KCNN2: variants seen among roughly 807,000 people sequenced by gnomAD.
The protein encoded by KCNN2 is potassium calcium-activated channel subfamily N member 2.
In KCNN2, 24 loss-of-function variants were observed where a neutral mutation model predicts 55.5. The observed-to-expected ratio is 0.43, with a 90% confidence interval of 0.31 to 0.61. The LOEUF (loss-of-function observed/expected upper bound fraction) is 0.61. KCNN2 is among the 20% of genes least tolerant of loss of function. The probability of loss-of-function intolerance (pLI) is 0.08; values close to 1 mark genes in which losing one functional copy is unlikely to be tolerated. For missense variants in KCNN2, 754 were observed against 853.6 expected, an observed-to-expected ratio of 0.88 and a Z score of 1.45; for synonymous variants, 431 against 336.1, an observed-to-expected ratio of 1.28 and a Z score of -3.09.
intron 1 of KCNN2, among the ~76,000 whole-genome samples, chr5:114,201,702 G>A (rs77291751): frequency 0.11 from 16,707 of 152,002 alleles, 1,167 homozygotes; most frequent in South Asian, 0.23. Context: ...AGAGAAGGCG[G>A]GGTCCCTCTC....
chr5:114,378,229 A>G (rs1162379869), intron 2 of KCNN2, among the ~76,000 whole-genome samples: 1 of 152,214 alleles, frequency 6.6e-6, no homozygotes, highest in African/African-American at 2.4e-5. Context: ...GGTATTGTAT[A>G]TTGCCGCTTT....
intron 1 of KCNN2, among the ~76,000 whole-genome samples, chr5:114,107,625 A>G (rs1011426895): frequency 2.6e-5 from 4 of 151,798 alleles, no homozygotes; most frequent in Admixed American, 6.6e-5. Context: ...TGAAATCCTG[A>G]GCTGAAGTGA....
chr5:114,451,517 A>C (rs1288916614), intron 3 of KCNN2, among the ~76,000 whole-genome samples: 5 of 152,180 alleles, frequency 3.3e-5, no homozygotes, highest in Admixed American at 2.0e-4. Context: ...AGACATTCCA[A>C]ATGTGCAAAA....
intron 2 of KCNN2, among the ~76,000 whole-genome samples, chr5:114,295,797 A>G: frequency 6.6e-6 from 1 of 152,168 alleles, no homozygotes; most frequent in Non-Finnish European, 1.5e-5. Context: ...TGTGTCGCTC[A>G]CACTGGGAGC....
intron 1 of KCNN2, among the ~76,000 whole-genome samples, chr5:114,182,317 G>A (rs945520769): frequency 2.6e-5 from 4 of 151,890 alleles, no homozygotes; most frequent in Non-Finnish European, 4.4e-5. Flanking sequence ...TGAAAATTAG[G>A]TAGTGTAAGT....
intron 1 of KCNN2, among the ~76,000 whole-genome samples, chr5:114,175,394 A>G (rs760091458): frequency 5.3e-5 from 8 of 152,198 alleles, no homozygotes; most frequent in Admixed American, 2.0e-4. Flanking sequence ...CCTTTAAAAT[A>G]ATGTACTCAT....
intron 2 of KCNN2, among the ~76,000 whole-genome samples, chr5:114,378,328 A>G (rs762181554): frequency 2.0e-5 from 3 of 152,196 alleles, no homozygotes; most frequent in African/African-American, 7.2e-5. Context: ...CTTTACAGAA[A>G]AAGTTTGCCA....
At chr5:114,077,076 A>T (rs1750698854) in intron 1 of KCNN2, among the ~76,000 whole-genome samples, 1 of 152,238 alleles carries the variant, frequency 6.6e-6, no homozygotes, top group Non-Finnish European at 1.5e-5. Context: ...TAATGGTAAA[A>T]AGGTGCCCAT....
chr5:114,463,770 T>G (rs1445973279), intron 4 of KCNN2, among the ~76,000 whole-genome samples: 1 of 152,162 alleles, frequency 6.6e-6, no homozygotes, highest in African/African-American at 2.4e-5. Context: ...TGTGAACTAG[T>G]AAAGCTTCTG....
At chr5:114,228,674 C>G (rs1204565189) in intron 2 of KCNN2, among the ~76,000 whole-genome samples, 2 of 151,922 alleles carry the variant, frequency 1.3e-5, no homozygotes, top group African/African-American at 2.4e-5. Context: ...TCACTCAGCC[C>G]CTTACTTGGA....
chr5:114,459,845 A>G (rs1210314111), intron 3 of KCNN2, among the ~76,000 whole-genome samples: 1 of 152,230 alleles, frequency 6.6e-6, no homozygotes, highest in African/African-American at 2.4e-5. Context: ...TGCGAACAGC[A>G]TATAGTAAAT....
intron 3 of KCNN2, among the ~76,000 whole-genome samples, chr5:114,426,867 C>G (rs1187332013): frequency 6.6e-6 from 1 of 152,202 alleles, no homozygotes; most frequent in Non-Finnish European, 1.5e-5. Context: ...TCATTTCCCT[C>G]AGCTTTTAGT....
At chr5:114,196,937 A>G (rs1753568708) in intron 1 of KCNN2, among the ~76,000 whole-genome samples, 1 of 151,944 alleles carries the variant, frequency 6.6e-6, no homozygotes, top group South Asian at 2.1e-4. Flanking sequence ...AGGTGAGGTT[A>G]TTGATTGAGA....
intron 1 of KCNN2, among the ~76,000 whole-genome samples, chr5:114,112,343 G>T (rs189309230): frequency 2.0e-4 from 31 of 152,234 alleles, no homozygotes; most frequent in African/African-American, 7.5e-4. Flanking sequence ...TGGGGGGCTG[G>T]GGAAGGGATG....
At chr5:114,169,600 G>T (rs1752989395) in intron 1 of KCNN2, among the ~76,000 whole-genome samples, 1 of 152,044 alleles carries the variant, frequency 6.6e-6, no homozygotes, top group Non-Finnish European at 1.5e-5. Flanking sequence ...CCGTTATTAT[G>T]TGCTCCATCT....
At chr5:114,315,238 A>G (rs543346672) in intron 2 of KCNN2, among the ~76,000 whole-genome samples, 67 of 152,236 alleles carry the variant, frequency 4.4e-4, no homozygotes, top group African/African-American at 1.6e-3. Context: ...GGTGAATTCA[A>G]TTAATTCAAG....
intron 7 of KCNN2, 144 bp downstream of exon 7, chr5:114,493,616 A>G: frequency 1.6e-6 from 1 of 639,798 alleles, no homozygotes; most frequent in South Asian, 1.9e-5. Context: ...ATGATGGTCC[A>G]ACTTAAAAGA....
chr5:114,219,880 A>G (rs1280517357), intron 1 of KCNN2, among the ~76,000 whole-genome samples: 1 of 152,234 alleles, frequency 6.6e-6, no homozygotes, highest in Non-Finnish European at 1.5e-5. Flanking sequence ...GATAGCATCT[A>G]TAGATAAACT....
chr5:114,259,722 A>G (rs1016671979), intron 2 of KCNN2, among the ~76,000 whole-genome samples: 2 of 151,672 alleles, frequency 1.3e-5, no homozygotes, highest in African/African-American at 2.4e-5. Flanking sequence ...GAGCCGAAAC[A>G]CTCCCACTCA....
Sources: allele counts gnomAD v4.1 joint callset (sites outside exome capture counted in the v4.1 genomes callset), GRCh38; gene constraint gnomAD v4.1.1; transcripts MANE v1.5; gene names NCBI Gene and HGNC (gene_info 2026-07-23, HGNC 2026-07-21).